Variants in KCNH8 observed in about 807,000 individuals in gnomAD.
KCNH8 encodes the protein voltage-gated delayed rectifier potassium channel KCNH8.
A neutral mutation model predicts 103.6 loss-of-function variants in KCNH8; 70 were observed. That is an observed-to-expected ratio of 0.68 (90% CI 0.56 to 0.82). KCNH8 has a LOEUF of 0.82. Among genes scored for constraint, KCNH8 ranks in the 40% least tolerant of loss-of-function variants. The pLI, the probability that KCNH8 is intolerant of heterozygous loss-of-function variation, is 0.00. For missense variants in KCNH8, 1,217 were observed against 1,329.9 expected, an observed-to-expected ratio of 0.92 and a Z score of 1.32; for synonymous variants, 498 against 489.4, an observed-to-expected ratio of 1.02 and a Z score of -0.23.
intron 11 of KCNH8, among the ~76,000 whole-genome samples, chr3:19,474,063 G>C (rs972862353): frequency 6.6e-6 from 1 of 152,064 alleles, no homozygotes; most frequent in Non-Finnish European, 1.5e-5. Flanking sequence ...TAGGCATGTG[G>C]GGCATTTCTT....
At chr3:19,194,437 C>T (rs2125212512) in intron 1 of KCNH8, among the ~76,000 whole-genome samples, 1 of 151,848 alleles carries the variant, frequency 6.6e-6, no homozygotes, top group East Asian at 1.9e-4. Context: ...AGGCTTAACC[C>T]ACACTATCTT....
At chr3:19,467,923 T>A (rs1260885558) in intron 11 of KCNH8, among the ~76,000 whole-genome samples, 1 of 151,948 alleles carries the variant, frequency 6.6e-6, no homozygotes, top group Non-Finnish European at 1.5e-5. Flanking sequence ...TTCCCTTCCT[T>A]AGGGAGGCAG....
intron 3 of KCNH8, among the ~76,000 whole-genome samples, chr3:19,338,785 A>G (rs916048531): frequency 6.6e-6 from 1 of 151,832 alleles, no homozygotes; most frequent in Non-Finnish European, 1.5e-5. Flanking sequence ...TTGCTTTTGT[A>G]CTCAATATTA....
intron 2 of KCNH8, among the ~76,000 whole-genome samples, chr3:19,266,711 C>G (rs749158801): frequency 1.3e-5 from 2 of 152,070 alleles, no homozygotes; most frequent in Non-Finnish European, 2.9e-5. Flanking sequence ...AATTGAAGCC[C>G]TATATTGCTT....
At chr3:19,454,846 G>A (rs2067506420) in intron 10 of KCNH8, among the ~76,000 whole-genome samples, 1 of 151,980 alleles carries the variant, frequency 6.6e-6, no homozygotes. Flanking sequence ...CTAAACACTG[G>A]TATGTGGTAC....
intron 2 of KCNH8, among the ~76,000 whole-genome samples, chr3:19,273,586 AC>A (rs2064621442): frequency 6.6e-6 from 1 of 152,196 alleles, no homozygotes; most frequent in African/African-American, 2.4e-5. Context: ...TATACAGATC[AC>A]CATTTCTGAA....
At chr3:19,187,961 A>T (rs2063517804) in intron 1 of KCNH8, among the ~76,000 whole-genome samples, 1 of 152,074 alleles carries the variant, frequency 6.6e-6, no homozygotes, top group African/African-American at 2.4e-5. Flanking sequence ...TAACCACTAT[A>T]CACGTACCAG....
intron 1 of KCNH8, among the ~76,000 whole-genome samples, chr3:19,185,890 G>C (rs1235519171): frequency 6.6e-6 from 1 of 151,750 alleles, no homozygotes; most frequent in Non-Finnish European, 1.5e-5. Context: ...CTCATGATTT[G>C]CATTCTGAGT....
intron 11 of KCNH8, among the ~76,000 whole-genome samples, chr3:19,469,253 T>C (rs1167283475): frequency 6.6e-6 from 1 of 152,190 alleles, no homozygotes; most frequent in East Asian, 1.9e-4. Context: ...AACAAGTGTT[T>C]TGTCAGTTGT....
chr3:19,297,720 C>T (rs1027637364), intron 3 of KCNH8, among the ~76,000 whole-genome samples: 2 of 152,072 alleles, frequency 1.3e-5, no homozygotes, highest in African/African-American at 2.4e-5. Context: ...TGGAAAAGGG[C>T]TAGAAGGTAT....
At chr3:19,253,324 A>G (rs1489712660) in intron 1 of KCNH8, among the ~76,000 whole-genome samples, 1 of 152,062 alleles carries the variant, frequency 6.6e-6, no homozygotes, top group African/African-American at 2.4e-5. Flanking sequence ...TATACATTAC[A>G]TGGCAGATTC....
At chr3:19,362,057 C>G (rs1221825968) in intron 5 of KCNH8, among the ~76,000 whole-genome samples, 2 of 152,088 alleles carry the variant, frequency 1.3e-5, no homozygotes, top group Admixed American at 6.6e-5. Flanking sequence ...AAGAAATCAG[C>G]TCACTCACTG....
chr3:19,349,222 A>G (rs1004373768), intron 5 of KCNH8, among the ~76,000 whole-genome samples: 6 of 152,104 alleles, frequency 3.9e-5, no homozygotes, highest in African/African-American at 1.4e-4. Flanking sequence ...ATGTAACCAT[A>G]AAGGGATCTA....
intron 5 of KCNH8, among the ~76,000 whole-genome samples, chr3:19,349,115 G>T (rs1436328093): frequency 6.6e-6 from 1 of 151,894 alleles, no homozygotes; most frequent in East Asian, 1.9e-4. Flanking sequence ...GCTATAGTGT[G>T]TTTAGGCCAC....
At chr3:19,183,924 A>G (rs1575420643) in intron 1 of KCNH8, among the ~76,000 whole-genome samples, 1 of 152,166 alleles carries the variant, frequency 6.6e-6, no homozygotes, top group Non-Finnish European at 1.5e-5. Flanking sequence ...AAAAGTTTGA[A>G]TGTAACATTT....
intron 5 of KCNH8, among the ~76,000 whole-genome samples, chr3:19,372,316 G>C (rs2066112129): frequency 1.3e-5 from 2 of 151,268 alleles, no homozygotes; most frequent in Non-Finnish European, 2.9e-5. Context: ...TCTCCTTGAA[G>C]AGGTCCTTCA....
Position 19,281,222 on chromosome 3 carries a change from ATATT to A in KCNH8, c.336_339del (p.Asp112GlufsTer4). On this transcript the variant is annotated frameshift_variant, in exon 3 of 16. Coordinates refer to ENST00000328405, the MANE Select transcript of KCNH8 (RefSeq NM_144633.3). LOFTEE classifies it high-confidence loss of function. ...GGGTCTCCATTTTGGTGCCTACTGG[ATATT>A]GTTCCCATAAAGAATGAAAAAGGAG... 1.9e-6 allele frequency: 3 copies of A among 1,611,090 alleles called. No individual in the cohort carries two copies. Among genetic ancestry groups the A allele is most frequent in the Non-Finnish European group, 2.5e-6 (3 of 1,178,298 alleles).
intron 11 of KCNH8, among the ~76,000 whole-genome samples, chr3:19,493,156 T>C (rs1465282379): frequency 1.3e-5 from 2 of 152,122 alleles, no homozygotes; most frequent in Non-Finnish European, 2.9e-5. Context: ...AGATATACAA[T>C]AATATCACAA....
intron 3 of KCNH8, among the ~76,000 whole-genome samples, chr3:19,318,296 A>C (rs964510044): frequency 1.3e-5 from 2 of 151,798 alleles, no homozygotes; most frequent in Non-Finnish European, 2.9e-5. Context: ...TTATTTCAAT[A>C]GGTTTTGGAG....
Sources: gnomAD v4.1 joint callset for allele counts (sites outside exome capture counted in the v4.1 genomes callset) on GRCh38, gnomAD v4.1.1 for gene constraint, MANE v1.5 for transcripts, NCBI Gene and HGNC (gene_info 2026-07-23, HGNC 2026-07-21) for gene names.